LEMD3: variants seen among roughly 807,000 people sequenced by gnomAD.
LEMD3 encodes the protein inner nuclear membrane protein Man1.
A neutral mutation model predicts 95.2 loss-of-function variants in LEMD3; 33 were observed. That is an observed-to-expected ratio of 0.35 (90% CI 0.26 to 0.46). The LOEUF (loss-of-function observed/expected upper bound fraction) is 0.46, where lower values mean the gene tolerates loss of function less well. Among genes scored for constraint, LEMD3 ranks in the 20% least tolerant of loss-of-function variants. LEMD3 has a pLI of 1.00. For synonymous variants in LEMD3, 525 were observed against 474.6 expected, an observed-to-expected ratio of 1.11 and a Z score of -1.38; for missense variants, 1,210 against 1,192.8, an observed-to-expected ratio of 1.01 and a Z score of -0.21.
intron 1 of LEMD3, among the ~76,000 whole-genome samples, chr12:65,184,798 CA>C (rs1206450164): frequency 6.6e-6 from 1 of 151,980 alleles, no homozygotes; most frequent in Admixed American, 6.6e-5. Context: ...TCACTTTGTC[CA>C]AGTTTATAGG....
intron 1 of LEMD3, among the ~76,000 whole-genome samples, chr12:65,193,772 G>GTGTGTGTGTGTA (rs1158064755): frequency 9.3e-5 from 14 of 151,342 alleles, no homozygotes; most frequent in African/African-American, 3.4e-4. Context: ...GTGTGTGTGT[G>GTGTGTGTGTGTA]TGTTGGGGGA....
intron 4 of LEMD3, among the ~76,000 whole-genome samples, chr12:65,222,201 A>G (rs1271743631): frequency 3.3e-5 from 5 of 152,110 alleles, no homozygotes; most frequent in African/African-American, 2.4e-5. Context: ...TTCTGCATCT[A>G]TTGAGATGAT....
At chr12:65,175,086 A>G (rs1033622949) in intron 1 of LEMD3, among the ~76,000 whole-genome samples, 8 of 152,192 alleles carry the variant, frequency 5.3e-5, no homozygotes, top group African/African-American at 1.9e-4. Flanking sequence ...TGTTGCTGGG[A>G]CATAATGAAT....
chr12:65,243,188 A>G (rs1456200847), intron 9 of LEMD3, among the ~76,000 whole-genome samples, 200 bp from the exon 10 acceptor site: 2 of 151,874 alleles, frequency 1.3e-5, no homozygotes, highest in East Asian at 1.9e-4. Flanking sequence ...TTCTTACATG[A>G]CACTCTTTAT....
intron 1 of LEMD3, among the ~76,000 whole-genome samples, chr12:65,182,159 GTAT>G (rs1868927806): frequency 6.6e-6 from 1 of 152,148 alleles, no homozygotes; most frequent in South Asian, 2.1e-4. Context: ...AGAGTTCACA[GTAT>G]TAACTACCAG....
rs1868469379 is a variant in LEMD3, at chr12:65,170,057, C to T, written c.461C>T (p.Ala154Val). 2.0e-6 allele frequency: 3 copies of T among 1,511,878 alleles called. No homozygotes were observed. Among genetic ancestry groups the T allele is most frequent in the South Asian group, 1.2e-5 (1 of 80,810 alleles). 93.7% of individuals were successfully genotyped at this position (1,511,878 alleles called of 1,614,324 possible). A position where few individuals can be genotyped will look rare whatever the true frequency, so the allele number is the denominator to read the frequency against. ...GTGGAGGCCAGTCCCCGGGACCAGG[C>T]CGGCGGCGGCGGGAGGAAAGACCGG... The part of the protein sequence containing the change: ...SDVEASPRDQ[A>V]GGGGRKDRAS... The change falls in exon 1 of 13, where the codon GCC becomes GTC. Residue 154 changes from alanine to valine, a missense_variant. By Grantham distance (64) the Ala-to-Val change is moderately conservative. This residue lies in a region of LEMD3 where 749 missense variants were observed against 622.9 expected (regional missense o/e 1.20). Transcript: ENST00000308330.
chr12:65,192,251 G>A (rs1194931351), intron 1 of LEMD3, among the ~76,000 whole-genome samples: 1 of 152,154 alleles, frequency 6.6e-6, no homozygotes, highest in East Asian at 1.9e-4. Flanking sequence ...CATTTTTAAA[G>A]TAACTTTTAA....
At chr12:65,223,299 ATTT>A (rs35145654) in intron 4 of LEMD3, among the ~76,000 whole-genome samples, 2,900 of 118,532 alleles carry the variant, frequency 0.024, 43 homozygotes, top group African/African-American at 0.089. Flanking sequence ...TCATGTGATG[ATTT>A]TTTTTTTTTT....
intron 1 of LEMD3, among the ~76,000 whole-genome samples, chr12:65,197,462 A>G (rs1418528465): frequency 6.6e-6 from 1 of 152,132 alleles, no homozygotes; most frequent in African/African-American, 2.4e-5. Flanking sequence ...ATGGGGAAGC[A>G]TGGTTTTTAC....
At chr12:65,236,580 A>G (rs1870779514) in intron 4 of LEMD3, among the ~76,000 whole-genome samples, 1 of 152,114 alleles carries the variant, frequency 6.6e-6, no homozygotes, top group South Asian at 2.1e-4. Flanking sequence ...TTTTTGCTCA[A>G]AAGGGACATA....
intron 1 of LEMD3, among the ~76,000 whole-genome samples, chr12:65,204,731 C>T (rs1869710650): frequency 1.3e-5 from 2 of 152,040 alleles, no homozygotes; most frequent in Non-Finnish European, 2.9e-5. Context: ...AACTAACTTA[C>T]ACTCCCACCA....
chr12:65,221,053 A>G (rs1031363906), intron 4 of LEMD3, among the ~76,000 whole-genome samples: 1 of 152,184 alleles, frequency 6.6e-6, no homozygotes, highest in African/African-American at 2.4e-5. Context: ...TTTCTGCAAA[A>G]AATGCTATTG....
At chr12:65,243,752 CAA>C (rs547673862) in intron 10 of LEMD3, among the ~76,000 whole-genome samples, 42 of 152,306 alleles carry the variant, frequency 2.8e-4, no homozygotes, top group African/African-American at 8.9e-4. Flanking sequence ...CTCACAATGA[CAA>C]AGAGTACCCT....
chr12:65,198,627 A>G (rs906101723), intron 1 of LEMD3, among the ~76,000 whole-genome samples: 3 of 152,094 alleles, frequency 2.0e-5, no homozygotes, highest in East Asian at 3.9e-4. Flanking sequence ...ACCCCCACAG[A>G]TACTAAAATC....
chr12:65,218,609 C>G lies in LEMD3; in HGVS notation c.1685C>G (p.Ala562Gly). 2 of 1,597,332 alleles carry G rather than the reference C, an allele frequency of 1.3e-6. No individual in the cohort carries two copies. Among genetic ancestry groups the G allele is most frequent in the South Asian group, 1.1e-5 (1 of 89,490 alleles). Residue 562 changes from alanine (A) to glycine (G), a missense_variant, in exon 4 of 13, where the codon GCG (alanine) becomes GGG (glycine). Coordinates refer to ENST00000308330, the MANE Select transcript of LEMD3 (RefSeq NM_014319.5). ...QRTLSVQEAA[A>G]YLKDLGPEYE... ...ACGCTTTCTGTTCAAGAGGCAGCTG[C>G]GTATTTAAAAGTAAGCAATGAAATT...
chr12:65,242,263 G>A (rs932692271), intron 9 of LEMD3, among the ~76,000 whole-genome samples: 4 of 151,716 alleles, frequency 2.6e-5, no homozygotes, highest in African/African-American at 9.7e-5. Context: ...TCCTTTTCTA[G>A]ATTATCCTCT....
chr12:65,238,513 T>C lies in LEMD3; in HGVS notation c.1707T>C (p.Pro569=). The part of the protein sequence containing the change: ...EAAAYLKDLG[P]EYEGIFNTSL... ...ATTTTTCTTGTTAGGATTTAGGTCC[T>C]GAATATGAAGGTATATTTAACACTT... Residue 569 remains proline (P), a synonymous_variant, in exon 5 of 13, where the codon CCT becomes CCC. Coordinates refer to ENST00000308330, the MANE Select transcript of LEMD3 (RefSeq NM_014319.5). 6.3e-7 allele frequency: 1 copy of C among 1,599,174 alleles called. No individual in the cohort carries two copies. The highest frequency in any genetic ancestry group is 8.6e-7 in the Non-Finnish European group (1 of 1,166,604).
At chr12:65,179,158 A>G (rs1426601515) in intron 1 of LEMD3, among the ~76,000 whole-genome samples, 1 of 152,092 alleles carries the variant, frequency 6.6e-6, no homozygotes, top group African/African-American at 2.4e-5. Context: ...TGTATTACCA[A>G]TTACAACTTG....
At chr12:65,195,276 G>A (rs539941860) in intron 1 of LEMD3, among the ~76,000 whole-genome samples, 11 of 151,852 alleles carry the variant, frequency 7.2e-5, no homozygotes, top group African/African-American at 2.2e-4. Flanking sequence ...TCCGGATGTC[G>A]AAAAATATCA....
Sources: gnomAD v4.1 joint callset for allele counts (sites outside exome capture counted in the v4.1 genomes callset) on GRCh38, gnomAD v4.1.1 for gene constraint, gnomAD v4.1.1 regional missense constraint, MANE v1.5 for transcripts, NCBI Gene and HGNC (gene_info 2026-07-23, HGNC 2026-07-21) for gene names.